Variants in BMPER observed in about 807,000 individuals in gnomAD.
BMPER encodes BMP binding endothelial regulator.
In BMPER, 45 loss-of-function variants were observed where a neutral mutation model predicts 87.3. The ratio of observed to expected loss-of-function variants is 0.52; its 90% CI spans 0.41 to 0.66. The LOEUF (loss-of-function observed/expected upper bound fraction) is 0.66. Among genes scored for constraint, BMPER ranks in the 30% least tolerant of loss-of-function variants. The pLI, the probability that BMPER is intolerant of heterozygous loss-of-function variation, is 0.00. For missense variants in BMPER, 784 were observed against 867.5 expected (o/e 0.90, Z 1.21); for synonymous variants, 326 against 316.2 (o/e 1.03, Z -0.33).
chr7:34,046,644 A>T (rs1787978508), intron 7 of BMPER, among the ~76,000 whole-genome samples: 2 of 152,216 alleles, frequency 1.3e-5, no homozygotes, highest in Non-Finnish European at 2.9e-5. Context: ...GGTACACCAG[A>T]TGACCTGGGG....
chr7:33,968,054 G>A (rs1585687406), intron 4 of BMPER, among the ~76,000 whole-genome samples: 1 of 152,152 alleles, frequency 6.6e-6, no homozygotes, highest in East Asian at 1.9e-4. Flanking sequence ...AGCGTCTCTG[G>A]TCAGTAGGGC....
intron 10 of BMPER, among the ~76,000 whole-genome samples, chr7:34,058,831 A>G (rs1032260878): frequency 6.6e-6 from 1 of 152,116 alleles, no homozygotes; most frequent in African/African-American, 2.4e-5. Context: ...CCTATTCAAC[A>G]CCTTCCCGTG....
At chr7:33,916,621 G>A (rs574894478) in intron 2 of BMPER, among the ~76,000 whole-genome samples, 1 of 152,342 alleles carries the variant, frequency 6.6e-6, no homozygotes, top group Admixed American at 6.5e-5. Flanking sequence ...GGGACTAGAA[G>A]TCCTGCCAAC....
intron 8 of BMPER, among the ~76,000 whole-genome samples, chr7:34,052,568 G>C (rs1430212823): frequency 1.3e-5 from 2 of 152,154 alleles, no homozygotes; most frequent in Admixed American, 6.5e-5. Context: ...ATTTATTTTG[G>C]AAACCAAGAA....
At chr7:34,075,274 T>A (rs1788834425) in intron 11 of BMPER, among the ~76,000 whole-genome samples, 1 of 152,214 alleles carries the variant, frequency 6.6e-6, no homozygotes, top group Non-Finnish European at 1.5e-5. Flanking sequence ...TTTAAACTTT[T>A]AAAGCAAATA....
At chr7:34,058,716 A>T (rs1788349790) in intron 10 of BMPER, among the ~76,000 whole-genome samples, 1 of 152,242 alleles carries the variant, frequency 6.6e-6, no homozygotes, top group Non-Finnish European at 1.5e-5. Flanking sequence ...TAGCTCCAGC[A>T]CACTGAATAA....
chr7:33,929,210 A>G (rs559089940), intron 2 of BMPER, among the ~76,000 whole-genome samples: 1 of 152,318 alleles, frequency 6.6e-6, no homozygotes, highest in East Asian at 1.9e-4. Context: ...GGGAAAAAGA[A>G]TAACACTCCC....
chr7:34,088,780 C>T (rs1315588685), intron 13 of BMPER, among the ~76,000 whole-genome samples: 1 of 152,122 alleles, frequency 6.6e-6, no homozygotes, highest in Non-Finnish European at 1.5e-5. Context: ...GAGAAGCTTG[C>T]CCCTGGATTC....
chr7:34,095,743 G>GC (rs1789512756), intron 13 of BMPER, among the ~76,000 whole-genome samples: 2 of 6,346 alleles, frequency 3.2e-4, no homozygotes, highest in Non-Finnish European at 7.6e-3. Flanking sequence ...TTCCAGGCAT[G>GC]ATTTTTTTTA....
intron 11 of BMPER, among the ~76,000 whole-genome samples, chr7:34,076,593 T>C (rs750387643): frequency 3.3e-5 from 5 of 152,192 alleles, no homozygotes; most frequent in Admixed American, 6.5e-5. Context: ...TATTACAAAG[T>C]GCTCAGCTGT....
chr7:33,990,771 T>A (rs1290029842), intron 6 of BMPER, among the ~76,000 whole-genome samples: 1 of 122,158 alleles, frequency 8.2e-6, no homozygotes, highest in African/African-American at 3.2e-5. Context: ...ATAGCTCTTA[T>A]TATTTTGAAA....
intron 13 of BMPER, among the ~76,000 whole-genome samples, chr7:34,126,772 C>T (rs1790412530): frequency 6.6e-6 from 1 of 152,100 alleles, no homozygotes; most frequent in South Asian, 2.1e-4. Context: ...TACTCCTTAC[C>T]ATAGCATCGT....
chr7:34,079,403 G>T (rs534591988), intron 12 of BMPER, among the ~76,000 whole-genome samples: 1 of 152,314 alleles, frequency 6.6e-6, no homozygotes, highest in Admixed American at 6.5e-5. Context: ...GGACCGTATG[G>T]AGTCTTGCAA....
At chr7:34,085,703 T>C in intron 12 of BMPER, 53 bp from the exon 13 acceptor site, 1 of 1,479,570 alleles carries the variant, frequency 6.8e-7, no homozygotes, top group Non-Finnish European at 9.4e-7. Context: ...CATTTGGGAA[T>C]TATTAGTGCG....
chr7:34,094,236 G>A lies in BMPER; in HGVS notation c.1745+8144G>A, dbSNP rs143424209. 7.2e-3 allele frequency among the ~76,000 whole-genome samples: 1,093 copies of A among 152,344 alleles called. 14 individuals carry two copies. The highest frequency in any genetic ancestry group is 0.022 in the South Asian group (107 of 4,830). On this transcript the variant is annotated intron_variant, in intron 13 of 14. Transcript: ENST00000649409. ...TGCTAGGTTCTGTCATAGGGATGGC[G>A]ATTTGGAACTTAGCAAGAGAGACAA...
rs756884242 is a variant in BMPER at position 34,062,081 on chromosome 7, A to G, written c.1078+34A>G. On this transcript the variant is annotated intron_variant, in intron 11 of 14. Coordinates refer to ENST00000649409, the MANE Select transcript of BMPER (RefSeq NM_001365308.1). ...ATTCCTTTGAAAATGTGCTATTAGT[A>G]TTTGTTTTGCATTTTATAGTGCAAC... 6 of 1,586,158 alleles carry G rather than the reference A, an allele frequency of 3.8e-6. No individual in the cohort carries two copies. In the South Asian group the frequency reaches 6.7e-5, roughly 18 times the overall value.
intron 6 of BMPER, among the ~76,000 whole-genome samples, chr7:33,982,307 G>T (rs1785884880): frequency 6.6e-6 from 1 of 152,068 alleles, no homozygotes; most frequent in African/African-American, 2.4e-5. Flanking sequence ...GAGAAATTTG[G>T]CTACATCTGG....
intron 13 of BMPER, among the ~76,000 whole-genome samples, chr7:34,137,742 G>A (rs1402789009): frequency 6.6e-6 from 1 of 152,236 alleles, no homozygotes; most frequent in African/African-American, 2.4e-5. Context: ...CAGGTGGATG[G>A]AAGTCCAAGG....
intron 13 of BMPER, among the ~76,000 whole-genome samples, chr7:34,131,788 G>T (rs1052747462): frequency 6.6e-6 from 1 of 152,210 alleles, no homozygotes; most frequent in Non-Finnish European, 1.5e-5. Context: ...GCTGGGGCTG[G>T]CATCCCGGGG....
Sources: gnomAD v4.1 joint callset for allele counts (sites outside exome capture counted in the v4.1 genomes callset) on GRCh38, gnomAD v4.1.1 for gene constraint, MANE v1.5 for transcripts, NCBI Gene and HGNC (gene_info 2026-07-23, HGNC 2026-07-21) for gene names.